Variants in NSUN2 observed in about 807,000 individuals in gnomAD.
NSUN2 encodes RNA cytosine C(5)-methyltransferase NSUN2.
In NSUN2, 63 loss-of-function variants were observed where a neutral mutation model predicts 92.7. The observed-to-expected ratio is 0.68, with a 90% confidence interval of 0.56 to 0.84. The LOEUF (loss-of-function observed/expected upper bound fraction) is 0.84. NSUN2 is among the 40% of genes least tolerant of loss of function. The probability of loss-of-function intolerance (pLI) is 0.00; values close to 1 mark genes in which losing one functional copy is unlikely to be tolerated. For missense variants in NSUN2, 989 were observed against 964.9 expected (o/e 1.02, Z -0.33); for synonymous variants, 356 against 348.3 (o/e 1.02, Z -0.25).
chr5:6,602,408 T>C (rs955443846), intron 18 of NSUN2, 53 bp downstream of exon 18: 6 of 1,556,106 alleles, frequency 3.9e-6, no homozygotes, highest in African/African-American at 1.4e-5. Flanking sequence ...ACGAGAACAC[T>C]GTAGCTAATG....
At chr5:6,611,467 C>CAAAAAAAAAAAAAAAAAAAAAAAAAAAAA (rs1553997593) in intron 10 of NSUN2, among the ~76,000 whole-genome samples, 1 of 64,830 alleles carries the variant, frequency 1.5e-5, no homozygotes, top group African/African-American at 5.7e-5. Context: ...AAAAAAAAAG[C>CAAAAAAAAAAAAAAAAAAAAAAAAAAAAA]AAAGCTACCC....
chr5:6,629,598 G>A (rs753998684), intron 3 of NSUN2, among the ~76,000 whole-genome samples: 13 of 152,158 alleles, frequency 8.5e-5, no homozygotes, highest in Admixed American at 2.0e-4. Flanking sequence ...GCACATACAT[G>A]CATCACTGCT....
chr5:6,629,602 C>T (rs1174512109), intron 3 of NSUN2, among the ~76,000 whole-genome samples: 1 of 152,172 alleles, frequency 6.6e-6, no homozygotes, highest in Non-Finnish European at 1.5e-5. Flanking sequence ...ATACATGCAT[C>T]ACTGCTAAAA....
intron 7 of NSUN2, among the ~76,000 whole-genome samples, chr5:6,619,075 A>G (rs1228315364): frequency 1.3e-5 from 2 of 152,250 alleles, no homozygotes; most frequent in African/African-American, 4.8e-5. Context: ...CAGATCTCAG[A>G]ATATGATACA....
intron 9 of NSUN2, 136 bp downstream of exon 9, chr5:6,616,591 T>C (rs1737220695): frequency 2.1e-5 from 3 of 143,308 alleles, no homozygotes; most frequent in South Asian, 1.5e-4. Context: ...TGATTAACAA[T>C]GGGAATATAC....
chr5:6,600,140 T>C lies in NSUN2; in HGVS notation c.2090A>G (p.His697Arg), dbSNP rs768619023. The C allele has an allele frequency of 2.5e-6, 4 of 1,614,234 alleles. No homozygotes were observed. The highest frequency in any genetic ancestry group is 3.4e-6 in the Non-Finnish European group (4 of 1,180,028). ...RTFVPKNERLHYLRMMGLEVL... is the reference protein window; with the variant it reads ...RTFVPKNERLRYLRMMGLEVL... ...CTCCAGCCCCATCATCCTGAGATAA[T>C]GAAGCCGTTCATTCTTGGGCACAAA... is the stretch of plus-strand genomic sequence containing the variant. The change falls in exon 19 of 19, where the codon CAT (histidine) becomes CGT (arginine). Residue 697 changes from histidine (H) to arginine (R), a missense_variant. This residue lies in a region of NSUN2 where 626 missense variants were observed against 602.3 expected (regional missense o/e 1.04). Coordinates refer to ENST00000264670, the MANE Select transcript of NSUN2 (RefSeq NM_017755.6).
chr5:6,600,004 G>A lies in NSUN2; in HGVS notation c.2226C>T (p.Asn742=), dbSNP rs1196155622. The change falls in exon 19 of 19, where the codon AAC becomes AAT. Residue 742 remains asparagine (N), a synonymous_variant. Coordinates refer to ENST00000264670, the MANE Select transcript of NSUN2 (RefSeq NM_017755.6). ...VTEGQRAGEP[N]SPDAEEANSP... ...TGTTGGCCTCTTCTGCATCTGGGCTGTTGGGCTCTCCTGCTCTCTGTCCCT... is the reference window on the plus strand; with the variant it reads ...TGTTGGCCTCTTCTGCATCTGGGCTATTGGGCTCTCCTGCTCTCTGTCCCT... The A allele has an allele frequency of 3.1e-6, 5 of 1,614,138 alleles. No homozygotes were observed. The highest frequency in any genetic ancestry group is 2.5e-6 in the Non-Finnish European group (3 of 1,180,046).
At chr5:6,621,900 C>A in intron 6 of NSUN2, 116 bp downstream of exon 6, 1 of 801,174 alleles carries the variant, frequency 1.2e-6, no homozygotes. Context: ...GAAAACCCAA[C>A]TGCTTGTCAT....
intron 7 of NSUN2, among the ~76,000 whole-genome samples, chr5:6,619,208 C>T (rs1229206784): frequency 4.6e-5 from 7 of 152,166 alleles, no homozygotes; most frequent in Non-Finnish European, 1.0e-4. Context: ...TTAAATTTTA[C>T]TTTAAAGAGG....
intron 6 of NSUN2, chr5:6,621,083 T>C (rs1026150354): frequency 2.6e-5 from 4 of 152,182 alleles, no homozygotes; most frequent in African/African-American, 7.2e-5. Flanking sequence ...CTAGAGAAGT[T>C]TGCCTGAACA....
intron 9 of NSUN2, among the ~76,000 whole-genome samples, chr5:6,614,124 C>CCACCCACCA: frequency 4.1e-5 from 3 of 73,190 alleles, no homozygotes; most frequent in South Asian, 4.6e-4. Context: ...AAAAAAAAAC[C>CCACCCACCA]CACAACACAC....
chr5:6,632,574 A>G (rs1737968361), intron 2 of NSUN2, 25 bp downstream of exon 2: 1 of 1,610,852 alleles, frequency 6.2e-7, no homozygotes, highest in African/African-American at 1.3e-5. Flanking sequence ...CCCAACTCCC[A>G]AAAAATCAGG....
At chr5:6,605,175 G>C in intron 15 of NSUN2, 98 bp downstream of exon 15, 1 of 1,498,942 alleles carries the variant, frequency 6.7e-7, no homozygotes, top group Admixed American at 1.9e-5. Flanking sequence ...AGGTGGGGAG[G>C]GCAGATGTCA....
intron 9 of NSUN2, among the ~76,000 whole-genome samples, chr5:6,614,112 A>G (rs1301001103): frequency 2.2e-5 from 2 of 90,688 alleles, no homozygotes; most frequent in East Asian, 6.2e-4. Flanking sequence ...AAAAAAAAAA[A>G]AAAAAAAAAA....
intron 8 of NSUN2, 110 bp downstream of exon 8, chr5:6,617,840 C>G (rs1737273568): frequency 1.3e-6 from 1 of 778,926 alleles, no homozygotes; most frequent in Non-Finnish European, 2.0e-6. Context: ...ATTGACCATC[C>G]TCTGATGCTT....
intron 18 of NSUN2, 81 bp downstream of exon 18, chr5:6,602,380 A>G: frequency 7.0e-7 from 1 of 1,418,542 alleles, no homozygotes; most frequent in Non-Finnish European, 1.0e-6. Flanking sequence ...CCACCTTCCC[A>G]AGTCACTTTC....
intron 3 of NSUN2, among the ~76,000 whole-genome samples, chr5:6,626,380 CTTTT>C (rs34809741): frequency 6.9e-6 from 1 of 145,770 alleles, no homozygotes; most frequent in Non-Finnish European, 1.5e-5. Context: ...AAAACACTGC[CTTTT>C]TTTTTTTGAG....
intron 8 of NSUN2, among the ~76,000 whole-genome samples, chr5:6,617,377 T>C (rs1225922784): frequency 6.6e-6 from 1 of 151,944 alleles, no homozygotes; most frequent in Admixed American, 6.6e-5. Context: ...TCATGTCAAA[T>C]GAAAAAAAGA....
At chr5:6,620,436 A>G in intron 6 of NSUN2, 138 bp from the exon 7 acceptor site, 1 of 619,408 alleles carries the variant, frequency 1.6e-6, no homozygotes. Flanking sequence ...GTTTTCCAGA[A>G]TTACGTTAAG....
Sources: allele counts gnomAD v4.1 joint callset (sites outside exome capture counted in the v4.1 genomes callset), GRCh38; gene constraint gnomAD v4.1.1; regional missense constraint gnomAD v4.1.1; transcripts MANE v1.5; gene names NCBI Gene and HGNC (gene_info 2026-07-23, HGNC 2026-07-21).